ZBTB45: variants seen among roughly 807,000 people sequenced by gnomAD.
ZBTB45 encodes the protein zinc finger and BTB domain containing 45, also known as zinc finger and BTB domain-containing protein 45.
ZBTB45 carries 22 observed loss-of-function variants against 28.4 expected under a neutral mutation model. That is an observed-to-expected ratio of 0.77 (90% CI 0.55 to 1.10). The LOEUF (loss-of-function observed/expected upper bound fraction) is 1.10, where lower values mean the gene tolerates loss of function less well. ZBTB45 is among the 50% of genes least tolerant of loss of function. The pLI is 0.00. For missense variants in ZBTB45, 656 were observed against 750.2 expected (o/e 0.87, Z 1.47); for synonymous variants, 361 against 332.3 (o/e 1.09, Z -0.94).
chr19:58,520,540 G>T (rs2053568718), upstream of ZBTB45, among the ~76,000 whole-genome samples: 1 of 152,110 alleles, frequency 6.6e-6, no homozygotes, highest in Non-Finnish European at 1.5e-5. Context: ...AATAATTAAG[G>T]TTACTCATTA....
Position 58,514,255 on chromosome 19 carries a change from G to A in ZBTB45, c.1335C>T (p.Tyr445=), listed in dbSNP as rs751437061. Residue 445 remains tyrosine, a synonymous_variant, in exon 3 of 3, where the codon TAC becomes TAT. Transcript: ENST00000594051. The part of the protein sequence containing the change: ...VCWRSFSLRD[Y]LLKHMVTHTG... ...TGTGCGTGACCATGTGTTTGAGCAG[G>A]TAGTCGCGTAGAGAGAAGGATCGCC... The A allele has an allele frequency of 3.7e-6, 6 of 1,611,636 alleles. No individual in the cohort carries two copies. Among genetic ancestry groups the A allele is most frequent in the Non-Finnish European group, 4.2e-6 (5 of 1,179,056 alleles).
chr19:58,536,697 C>T (rs1417862476), intron 1 of ZBTB45, among the ~76,000 whole-genome samples: 1 of 152,050 alleles, frequency 6.6e-6, no homozygotes, highest in Non-Finnish European at 1.5e-5. Context: ...CACAATGCCT[C>T]CTCAGAAAGT....
At chr19:58,519,032 TTCCCGCTGTCC>T (rs1184848847) in intron 1 of ZBTB45, 1 of 152,422 alleles carries the variant, frequency 6.6e-6, no homozygotes. Flanking sequence ...CACTGCCCCG[TTCCCGCTGTCC>T]TGGACGGATG....
At chr19:58,525,239 C>G (rs906959985) in intron 1 of ZBTB45, among the ~76,000 whole-genome samples, 1 of 152,174 alleles carries the variant, frequency 6.6e-6, no homozygotes, top group African/African-American at 2.4e-5. Context: ...TCCACAAACC[C>G]GGCCCCATCC....
At chr19:58,525,201 C>T (rs2053601390) in intron 1 of ZBTB45, among the ~76,000 whole-genome samples, 1 of 152,204 alleles carries the variant, frequency 6.6e-6, no homozygotes, top group African/African-American at 2.4e-5. Context: ...GGCTCCCCCT[C>T]TTTGGCAGTC....
chr19:58,525,993 C>T (rs776845681), intron 1 of ZBTB45, among the ~76,000 whole-genome samples: 7 of 152,046 alleles, frequency 4.6e-5, no homozygotes, highest in African/African-American at 1.7e-4. Flanking sequence ...TTTGGGAGGC[C>T]GAGGCAGGCA....
At chr19:58,538,689 A>C (rs146808658) in intron 1 of ZBTB45, 2 of 152,274 alleles carry the variant, frequency 1.3e-5, no homozygotes, top group Non-Finnish European at 2.9e-5. Context: ...CCGCCCGGCT[A>C]GCCACCTTTA....
upstream of ZBTB45, among the ~76,000 whole-genome samples, chr19:58,522,208 C>G (rs1018582899): frequency 6.6e-6 from 1 of 150,840 alleles, no homozygotes; most frequent in African/African-American, 2.4e-5. Context: ...GTCCCCCAGG[C>G]TGGAGCGCAA....
upstream of ZBTB45, among the ~76,000 whole-genome samples, chr19:58,521,906 G>A (rs1345842426): frequency 6.6e-6 from 1 of 152,158 alleles, no homozygotes; most frequent in Non-Finnish European, 1.5e-5. Context: ...AAAGCCTCCA[G>A]AAGACAGACA....
chr19:58,538,294 C>T (rs1159887714), intron 1 of ZBTB45, among the ~76,000 whole-genome samples: 6 of 151,984 alleles, frequency 3.9e-5, no homozygotes, highest in East Asian at 1.9e-4. Context: ...TAGCTCACTG[C>T]AGCCAACTCC....
intron 1 of ZBTB45, 88 bp from the exon 2 acceptor site, chr19:58,517,761 G>C: frequency 7.8e-7 from 1 of 1,288,164 alleles, no homozygotes; most frequent in African/African-American, 1.5e-5. Context: ...CTTGTTGCAG[G>C]ACAGGGCTCG....
At chr19:58,531,315 T>A (rs2122593825) in intron 1 of ZBTB45, among the ~76,000 whole-genome samples, 1 of 152,342 alleles carries the variant, frequency 6.6e-6, no homozygotes, top group South Asian at 2.1e-4. Flanking sequence ...GTTGTATTGA[T>A]GTCTAATCTA....
At chr19:58,537,840 CTTT>C (rs769769323) in intron 1 of ZBTB45, among the ~76,000 whole-genome samples, 14 of 135,408 alleles carry the variant, frequency 1.0e-4, no homozygotes, top group African/African-American at 3.6e-4. Context: ...TCAAATATTC[CTTT>C]TTTTTTTTTT....
upstream of ZBTB45, among the ~76,000 whole-genome samples, chr19:58,524,435 A>ATGTATG (rs141879636): frequency 4.3e-3 from 598 of 138,348 alleles, 5 homozygotes; most frequent in African/African-American, 0.015. Context: ...GTGTTCATAT[A>ATGTATG]TGTGTGTGTG....
rs758131624 is a variant in ZBTB45, at chr19:58,516,919, G to A, written c.755C>T (p.Ala252Val). Reference sequence around the variant, plus strand: ...AGTGGGTGCAGGGGGCTCCTCGCACGCGCTGTCAGCAGCAGCAGTGAGGAA... The same window carrying A: ...AGTGGGTGCAGGGGGCTCCTCGCACACGCTGTCAGCAGCAGCAGTGAGGAA... Reference protein sequence around the residue: ...AGFLTAAADSACEEPPAPTGL... With the variant: ...AGFLTAAADSVCEEPPAPTGL... Residue 252 changes from alanine (A) to valine (V), a missense_variant, in exon 2 of 3, where the codon GCG becomes GTG. Around this residue, in one of 3 missense-constraint regions of ZBTB45, gnomAD observed 448 missense variants for 444.3 expected, o/e 1.01. Coordinates refer to ENST00000594051, the MANE Select transcript of ZBTB45 (RefSeq NM_001316979.2). The surrounding 1 kb of genome is among the most constrained non-coding windows in gnomAD (Gnocchi z 6.2). 1.2e-5 allele frequency: 19 copies of A among 1,613,280 alleles called. No homozygotes were observed. Among genetic ancestry groups the A allele is most frequent in the South Asian group, 6.6e-5 (6 of 91,086 alleles).
chr19:58,514,174 G>C lies in ZBTB45; in HGVS notation c.1416C>G (p.Ser472Arg). ...GAGTGCGCATGTGCACGTTGAGCGA[G>C]CTCTTCTGCGTGAAGCGCTTGGCGC... ...AVCAKRFTQK[S>R]SLNVHMRTHR... is the part of the protein sequence containing the mutation. Residue 472 changes from serine to arginine, a missense_variant, in exon 3 of 3, where the codon AGC (serine) becomes AGG (arginine). By Grantham distance (110) the Ser-to-Arg change is moderately radical. Around this residue, in one of 3 missense-constraint regions of ZBTB45, gnomAD observed 103 missense variants for 153.5 expected, o/e 0.67. Coordinates refer to ENST00000594051, the MANE Select transcript of ZBTB45 (RefSeq NM_001316979.2). 6.2e-7 allele frequency: 1 copy of C among 1,612,084 alleles called. No homozygotes were observed. Among genetic ancestry groups the C allele is most frequent in the Non-Finnish European group, 8.5e-7 (1 of 1,179,502 alleles).
chr19:58,516,691 G>T lies in ZBTB45; in HGVS notation c.983C>A (p.Pro328His). Residue 328 changes from proline to histidine, a missense_variant, in exon 2 of 3, where the codon CCC becomes CAC. Coordinates refer to ENST00000594051, the MANE Select transcript of ZBTB45 (RefSeq NM_001316979.2). This position sits in a 1 kb window ranked among gnomAD's most constrained non-coding sequence, Gnocchi z 6.2. Reference protein sequence around the residue: ...RPPGVKTPGPPVALFPFHLGA... With the variant: ...RPPGVKTPGPHVALFPFHLGA... ...CAAGTGAAAGGGGAAGAGTGCAACG[G>T]GCGGCCCTGGGGTCTTCACACCAGG... 1 of 1,579,288 alleles carries T rather than the reference G, an allele frequency of 6.3e-7. No individual in the cohort carries two copies. The highest frequency in any genetic ancestry group is 1.2e-5 in the South Asian group (1 of 85,244).
rs1203449918 is a variant in ZBTB45, at chr19:58,516,703, G to A, written c.971C>T (p.Thr324Ile). ...LSGSRPPGVK[T>I]PGPPVALFPF... is the part of the protein sequence containing the mutation. ...GAAGAGTGCAACGGGCGGCCCTGGG[G>A]TCTTCACACCAGGCGGGCGGGATCC... The change falls in exon 2 of 3, where the codon ACC becomes ATC. Residue 324 changes from threonine (T) to isoleucine (I), a missense_variant. Physicochemically the swap from Thr to Ile is moderately conservative, Grantham distance 89. Around this residue, in one of 3 missense-constraint regions of ZBTB45, gnomAD observed 448 missense variants for 444.3 expected, o/e 1.01. Coordinates refer to ENST00000594051, the MANE Select transcript of ZBTB45 (RefSeq NM_001316979.2). The surrounding 1 kb of genome is among the most constrained non-coding windows in gnomAD (Gnocchi z 6.2). 1.9e-6 allele frequency: 3 copies of A among 1,593,096 alleles called. No homozygotes were observed. Among genetic ancestry groups the A allele is most frequent in the Admixed American group, 1.7e-5 (1 of 58,962 alleles).
intron 1 of ZBTB45, among the ~76,000 whole-genome samples, chr19:58,525,463 T>A (rs528231236): frequency 5.9e-5 from 9 of 152,172 alleles, no homozygotes; most frequent in Non-Finnish European, 1.3e-4. Context: ...TGAGCCCTTC[T>A]GATGGGACAG....
Sources: allele counts gnomAD v4.1 joint callset (sites outside exome capture counted in the v4.1 genomes callset), GRCh38; gene constraint gnomAD v4.1.1; regional missense constraint gnomAD v4.1.1; non-coding constraint Gnocchi (gnomAD v3.1); transcripts MANE v1.5; gene names NCBI Gene and HGNC (gene_info 2026-07-23, HGNC 2026-07-21).